The following TNNI3K variants were observed in gnomAD, a reference collection of about 807,000 sequenced individuals.
TNNI3K encodes serine/threonine-protein kinase TNNI3K.
In TNNI3K, 140 loss-of-function variants were observed where a neutral mutation model predicts 114.5. The ratio of observed to expected loss-of-function variants is 1.22; its 90% CI spans 1.07 to 1.41. The LOEUF is 1.41. TNNI3K is among the 40% of genes most tolerant of loss of function. The pLI is 0.00. For missense variants in TNNI3K, 1,125 were observed against 1,007.6 expected (o/e 1.12, Z -1.58); for synonymous variants, 347 against 347.5 (o/e 1.00, Z 0.02).
intron 17 of TNNI3K, among the ~76,000 whole-genome samples, chr1:74,430,887 C>T (rs1665866697): frequency 6.6e-6 from 1 of 152,112 alleles, no homozygotes; most frequent in African/African-American, 2.4e-5. Context: ...GGAGAAGAGA[C>T]TCTCTAGGAC....
chr1:74,526,744 T>A (rs190967999), intron 23 of TNNI3K, among the ~76,000 whole-genome samples: 11 of 152,316 alleles, frequency 7.2e-5, no homozygotes, highest in African/African-American at 2.4e-4. Flanking sequence ...CTACATTCAC[T>A]GAGATATCAT....
chr1:74,368,502 G>A (rs1048183055), intron 13 of TNNI3K, among the ~76,000 whole-genome samples: 1 of 151,738 alleles, frequency 6.6e-6, no homozygotes, highest in African/African-American at 2.4e-5. Flanking sequence ...TGATTCATAC[G>A]CTTATTTCCT....
At chr1:74,356,216 C>A (rs989649742) in intron 11 of TNNI3K, among the ~76,000 whole-genome samples, 1 of 152,060 alleles carries the variant, frequency 6.6e-6, no homozygotes, top group African/African-American at 2.4e-5. Context: ...ATTGTTCATT[C>A]TTATCATTGT....
At chr1:74,338,062 A>G (rs1224022376) in intron 7 of TNNI3K, among the ~76,000 whole-genome samples, 1 of 152,056 alleles carries the variant, frequency 6.6e-6, no homozygotes, top group Non-Finnish European at 1.5e-5. Flanking sequence ...ATATATATAA[A>G]CACACATATA....
intron 4 of TNNI3K, among the ~76,000 whole-genome samples, chr1:74,265,899 A>G (rs548274378): frequency 7.9e-4 from 1 of 1,262 alleles, no homozygotes; most frequent in Non-Finnish European, 3.7e-3. Flanking sequence ...AGGACAAAGA[A>G]TGGAAGGGAA....
chr1:74,352,716 A>G (rs1229996309), intron 9 of TNNI3K, among the ~76,000 whole-genome samples: 1 of 152,128 alleles, frequency 6.6e-6, no homozygotes, highest in Non-Finnish European at 1.5e-5. Context: ...TTGATCTCAG[A>G]CTGCTGTGCT....
intron 17 of TNNI3K, chr1:74,374,607 A>G (rs1202570638): frequency 6.6e-6 from 1 of 151,926 alleles, no homozygotes; most frequent in African/African-American, 2.4e-5. Context: ...ACAATTTCTC[A>G]TATCATCTTA....
chr1:74,538,339 G>T (rs915887861), intron 23 of TNNI3K, among the ~76,000 whole-genome samples: 1 of 151,974 alleles, frequency 6.6e-6, no homozygotes, highest in Non-Finnish European at 1.5e-5. Flanking sequence ...AAGACCCTTT[G>T]GGGGGAGTAT....
rs891880974 is a variant in TNNI3K at position 74,295,511 on chromosome 1, A to G, written c.444+23803A>G. Among the ~76,000 whole-genome samples, 4 of 152,280 alleles carry G rather than the reference A, an allele frequency of 2.6e-5. No individual in the cohort carries two copies. In the South Asian group the frequency reaches 8.3e-4, roughly 32 times the overall value. On this transcript the variant is annotated intron_variant, in intron 5 of 24. Coordinates refer to ENST00000326637, the MANE Select transcript of TNNI3K (RefSeq NM_015978.3). ...ACTTCTATTTCTCAATATTCAAATTATATATTTTAAGCCTATAGTAATAAA... is the reference window on the plus strand; with the variant it reads ...ACTTCTATTTCTCAATATTCAAATTGTATATTTTAAGCCTATAGTAATAAA...
At chr1:74,412,725 G>T (rs937764244) in intron 17 of TNNI3K, among the ~76,000 whole-genome samples, 2 of 152,050 alleles carry the variant, frequency 1.3e-5, no homozygotes, top group East Asian at 1.9e-4. Context: ...AGCAATTCTC[G>T]TCCCTCAGCC....
At chr1:74,335,393 C>T (rs150941718) in intron 6 of TNNI3K, among the ~76,000 whole-genome samples, 237 of 152,284 alleles carry the variant, frequency 1.6e-3, no homozygotes, top group Non-Finnish European at 2.6e-3. Context: ...TTTGCTTAGG[C>T]AAAGCTATCA....
At chr1:74,449,170 C>T (rs533408205) in intron 20 of TNNI3K, among the ~76,000 whole-genome samples, 18 of 151,604 alleles carry the variant, frequency 1.2e-4, no homozygotes, top group Middle Eastern at 3.4e-3. Context: ...AGAGATGCAA[C>T]TTCTTCCTGG....
At chr1:74,540,135 A>G in intron 23 of TNNI3K, 99 bp from the exon 24 acceptor site, 3 of 1,293,844 alleles carry the variant, frequency 2.3e-6, no homozygotes, top group South Asian at 1.5e-5. Context: ...TCACTTTGCC[A>G]TTTCTCTGGG....
At chr1:74,432,488 C>T (rs1361811449) in intron 17 of TNNI3K, among the ~76,000 whole-genome samples, 1 of 152,078 alleles carries the variant, frequency 6.6e-6, no homozygotes, top group African/African-American at 2.4e-5. Context: ...GGTGTTGACA[C>T]TCTTCATGTG....
Position 74,275,297 on chromosome 1 carries a change from G to A in TNNI3K, c.444+3589G>A, listed in dbSNP as rs115859283. On this transcript the variant is annotated intron_variant, in intron 5 of 24. Coordinates refer to ENST00000326637, the MANE Select transcript of TNNI3K (RefSeq NM_015978.3). ...TCACGTCTTACATGGATGGCAGCAG[G>A]CAAAGAAAGAATAAATGAGACGAAA... 9.6e-3 allele frequency among the ~76,000 whole-genome samples: 1,463 copies of A among 152,092 alleles called. 21 individuals are homozygous for A. The highest frequency in any genetic ancestry group is 0.034 in the African/African-American group (1,417 of 41,522).
At chr1:74,518,504 C>G (rs1397253455) in intron 23 of TNNI3K, among the ~76,000 whole-genome samples, 1 of 152,112 alleles carries the variant, frequency 6.6e-6, no homozygotes. Flanking sequence ...TCTCCCACCT[C>G]AATATGCCTT....
chr1:74,422,739 A>G (rs1665457426), intron 17 of TNNI3K, among the ~76,000 whole-genome samples: 1 of 152,108 alleles, frequency 6.6e-6, no homozygotes, highest in Non-Finnish European at 1.5e-5. Flanking sequence ...AGTTAAATAG[A>G]ACAGCTATAC....
At chr1:74,303,398 C>A (rs906500802) in intron 5 of TNNI3K, among the ~76,000 whole-genome samples, 1 of 152,074 alleles carries the variant, frequency 6.6e-6, no homozygotes, top group African/African-American at 2.4e-5. Context: ...CTCCTGACCT[C>A]ATGTGATCTG....
At chr1:74,525,690 A>C (rs1282768176) in intron 23 of TNNI3K, among the ~76,000 whole-genome samples, 1 of 152,178 alleles carries the variant, frequency 6.6e-6, no homozygotes, top group African/African-American at 2.4e-5. Flanking sequence ...AACCAATATA[A>C]ATATGACCAT....
Sources: allele counts gnomAD v4.1 joint callset (sites outside exome capture counted in the v4.1 genomes callset), GRCh38; gene constraint gnomAD v4.1.1; transcripts MANE v1.5; gene names NCBI Gene and HGNC (gene_info 2026-07-23, HGNC 2026-07-21).